The following CDH13 variants were observed in gnomAD, a reference collection of about 807,000 sequenced individuals.
CDH13 encodes the protein cadherin-13.
A neutral mutation model predicts 63.8 loss-of-function variants in CDH13; 24 were observed. That is an observed-to-expected ratio of 0.38 (90% CI 0.27 to 0.53). The LOEUF (loss-of-function observed/expected upper bound fraction) is 0.53. Ranked by LOEUF, CDH13 falls within the 20% of genes least tolerant of loss-of-function variation. CDH13 has a pLI of 0.85. For synonymous variants in CDH13, 503 were observed against 355.3 expected, an observed-to-expected ratio of 1.42 and a Z score of -4.67; for missense variants, 1,049 against 903.1, an observed-to-expected ratio of 1.16 and a Z score of -2.07.
At chr16:83,104,248 G>T (rs1296649191) in intron 3 of CDH13, among the ~76,000 whole-genome samples, 1 of 152,162 alleles carries the variant, frequency 6.6e-6, no homozygotes, top group Non-Finnish European at 1.5e-5. Flanking sequence ...TTTCCTGGTG[G>T]ATCTGACACA....
intron 3 of CDH13, among the ~76,000 whole-genome samples, chr16:83,084,483 G>A (rs979943809): frequency 5.9e-5 from 9 of 152,176 alleles, no homozygotes; most frequent in Non-Finnish European, 8.8e-5. Context: ...GAAAACAGTT[G>A]TCCTTTGAAC....
At chr16:83,564,835 C>T (rs2075765387) in intron 7 of CDH13, among the ~76,000 whole-genome samples, 1 of 152,198 alleles carries the variant, frequency 6.6e-6, no homozygotes, top group Admixed American at 6.5e-5. Flanking sequence ...CCCTCCTCTG[C>T]CCTGGCTCCA....
intron 2 of CDH13, among the ~76,000 whole-genome samples, chr16:82,974,626 G>A (rs959112094): frequency 2.6e-5 from 4 of 152,122 alleles, no homozygotes; most frequent in Non-Finnish European, 5.9e-5. Flanking sequence ...CATGTTGGAC[G>A]ATGTAAGTGG....
chr16:83,534,404 G>T (rs565467977), intron 7 of CDH13, among the ~76,000 whole-genome samples: 9 of 152,100 alleles, frequency 5.9e-5, no homozygotes, highest in Non-Finnish European at 1.5e-5. Flanking sequence ...CATTTTCATG[G>T]GGCCGTTACA....
At chr16:83,674,071 A>C (rs1415963496) in intron 9 of CDH13, among the ~76,000 whole-genome samples, 1 of 152,224 alleles carries the variant, frequency 6.6e-6, no homozygotes, top group Admixed American at 6.5e-5. Context: ...ACCTTCTAGA[A>C]GCCAGCTAGG....
At chr16:83,216,427 T>TATATATAA (rs1555513896) in intron 4 of CDH13, among the ~76,000 whole-genome samples, 1,024 of 45,056 alleles carry the variant, frequency 0.023, 128 homozygotes, top group East Asian at 0.051. Flanking sequence ...TATATATATA[T>TATATATAA]ATATATATAT....
At chr16:83,662,327 C>G (rs1398708518) in intron 8 of CDH13, among the ~76,000 whole-genome samples, 1 of 152,190 alleles carries the variant, frequency 6.6e-6, no homozygotes, top group African/African-American at 2.4e-5. Context: ...GGTACTCTCT[C>G]TTTGCATGAT....
chr16:83,422,294 TAC>T (rs1357028739), intron 6 of CDH13, among the ~76,000 whole-genome samples: 1 of 152,188 alleles, frequency 6.6e-6, no homozygotes, highest in East Asian at 1.9e-4. Flanking sequence ...TCCAAAGAAT[TAC>T]ACAGTCATTC....
intron 1 of CDH13, among the ~76,000 whole-genome samples, chr16:82,643,213 C>T (rs1371780813): frequency 1.3e-5 from 2 of 152,180 alleles, no homozygotes; most frequent in Non-Finnish European, 1.5e-5. Flanking sequence ...TAGTATGTTA[C>T]ACATGTCTAA....
chr16:83,611,728 T>C lies in CDH13; in HGVS notation c.1101+9134T>C, dbSNP rs147087721. Among the ~76,000 whole-genome samples the C allele has an allele frequency of 4.4e-3, 669 of 152,266 alleles. 16 individuals are homozygous for C. The highest frequency in any genetic ancestry group is 0.036 in the Admixed American group (557 of 15,306). ...TATGTGCTATGATGTATTTTCATTA[T>C]CATTCAGATCAAAAATATTTTTGAA... is the stretch of plus-strand genomic sequence containing the variant. On this transcript the variant is annotated intron_variant, in intron 8 of 13. Coordinates refer to ENST00000567109, the MANE Select transcript of CDH13 (RefSeq NM_001257.5).
rs565053210 is a variant in CDH13, at chr16:82,818,619, C to T, written c.46-39743C>T. ...TTTCATTTAAAGTTATGATAGCCAA[C>T]ATTTACCTTTTAGAGGTGCTCAAAA... On this transcript the variant is annotated intron_variant, in intron 1 of 13. Transcript: ENST00000567109. Among the ~76,000 whole-genome samples, 3 of 152,252 alleles carry T rather than the reference C, an allele frequency of 2.0e-5. No homozygotes were observed. The East Asian group carries it at 5.8e-4, about 29-fold the overall frequency.
At chr16:82,697,097 C>T (rs557608836) in intron 1 of CDH13, among the ~76,000 whole-genome samples, 2 of 152,158 alleles carry the variant, frequency 1.3e-5, no homozygotes, top group Non-Finnish European at 2.9e-5. Flanking sequence ...TTACTTTTAC[C>T]ATGCTATATC....
intron 3 of CDH13, among the ~76,000 whole-genome samples, chr16:83,085,332 C>T (rs2033519582): frequency 6.6e-6 from 1 of 152,120 alleles, no homozygotes; most frequent in Admixed American, 6.5e-5. Flanking sequence ...TCAATTACCT[C>T]CCCTAGGTCC....
intron 1 of CDH13, among the ~76,000 whole-genome samples, chr16:82,763,489 A>C (rs1407014356): frequency 6.6e-6 from 1 of 152,194 alleles, no homozygotes; most frequent in African/African-American, 2.4e-5. Flanking sequence ...TGAAAGAAAA[A>C]ATGAAAAGGT....
intron 7 of CDH13, among the ~76,000 whole-genome samples, chr16:83,510,313 T>C (rs1385560958): frequency 6.6e-6 from 1 of 152,144 alleles, no homozygotes; most frequent in African/African-American, 2.4e-5. Flanking sequence ...ATGTAAAATA[T>C]GAATTTAGAT....
intron 2 of CDH13, among the ~76,000 whole-genome samples, chr16:82,915,190 A>G (rs1338166248): frequency 6.6e-6 from 1 of 152,250 alleles, no homozygotes; most frequent in East Asian, 1.9e-4. Context: ...TACAATGATC[A>G]AATCCTGTGT....
intron 5 of CDH13, among the ~76,000 whole-genome samples, chr16:83,261,295 T>G (rs1016450438): frequency 6.6e-6 from 1 of 152,150 alleles, no homozygotes; most frequent in Non-Finnish European, 1.5e-5. Flanking sequence ...GAAAGCTCAT[T>G]ACCGATACGT....
chr16:83,127,449 G>A (rs2151648237), intron 4 of CDH13, among the ~76,000 whole-genome samples: 1 of 152,318 alleles, frequency 6.6e-6, no homozygotes, highest in East Asian at 1.9e-4. Context: ...ATTGATCTTG[G>A]ACGGGCATGG....
chr16:82,934,365 A>G (rs114226639), intron 2 of CDH13, among the ~76,000 whole-genome samples: 2,162 of 152,278 alleles, frequency 0.014, 48 homozygotes, highest in African/African-American at 0.049. Context: ...TGGGACACAG[A>G]GCACTAAGTC....
Sources: allele counts gnomAD v4.1 joint callset (sites outside exome capture counted in the v4.1 genomes callset), GRCh38; gene constraint gnomAD v4.1.1; transcripts MANE v1.5; gene names NCBI Gene and HGNC (gene_info 2026-07-23, HGNC 2026-07-21).